Variants in CYRIA observed in about 807,000 individuals in gnomAD.
CYRIA encodes the protein CYFIP-related Rac1 interactor A.
A neutral mutation model predicts 43.9 loss-of-function variants in CYRIA; 15 were observed. The ratio of observed to expected loss-of-function variants is 0.34; its 90% CI spans 0.23 to 0.53. The LOEUF (loss-of-function observed/expected upper bound fraction) is 0.53. Among genes scored for constraint, CYRIA ranks in the 20% least tolerant of loss-of-function variants. The pLI is 0.94. For missense variants in CYRIA, 236 were observed against 394.2 expected, an observed-to-expected ratio of 0.60 and a Z score of 3.40; for synonymous variants, 117 against 136.0, an observed-to-expected ratio of 0.86 and a Z score of 0.97.
At chr2:16,616,170 C>T (rs376345398) in intron 2 of CYRIA, among the ~76,000 whole-genome samples, 14 of 152,196 alleles carry the variant, frequency 9.2e-5, no homozygotes, top group Non-Finnish European at 1.8e-4. Context: ...CTGTCCTTCA[C>T]GGTGGGAACC....
intron 5 of CYRIA, 28 bp downstream of exon 5, chr2:16,563,961 G>A (rs1558403426): frequency 6.6e-7 from 1 of 1,524,332 alleles, no homozygotes; most frequent in Non-Finnish European, 9.1e-7. Context: ...CCGTATGTGG[G>A]CCATGAAAAC....
intron 1 of CYRIA, among the ~76,000 whole-genome samples, chr2:16,629,668 T>C (rs1227130651): frequency 6.6e-6 from 1 of 152,166 alleles, no homozygotes. Context: ...TGGGCCCTCA[T>C]CCTGTGATAA....
At chr2:16,620,579 G>T (rs1025640667) in intron 2 of CYRIA, among the ~76,000 whole-genome samples, 13 of 152,260 alleles carry the variant, frequency 8.5e-5, no homozygotes, top group East Asian at 1.9e-4. Context: ...ATAAAATTAG[G>T]CTCTTTGCCT....
chr2:16,653,364 A>T (rs528489292), intron 1 of CYRIA, among the ~76,000 whole-genome samples: 1 of 152,242 alleles, frequency 6.6e-6, no homozygotes, highest in South Asian at 2.1e-4. Context: ...GTTTCCCCCA[A>T]TTATCCACAA....
chr2:16,662,796 T>C (rs1670293237), intron 1 of CYRIA, among the ~76,000 whole-genome samples: 1 of 152,222 alleles, frequency 6.6e-6, no homozygotes, highest in Admixed American at 6.5e-5. Flanking sequence ...TCAACCCTCA[T>C]GGGTGACCTA....
rs555152061 is a variant in CYRIA at position 16,618,190 on chromosome 2, C to T, written c.-11+5674G>A. On this transcript the variant is annotated intron_variant, in intron 2 of 11. Transcript: ENST00000381323. The stretch of plus-strand genomic sequence containing the variant: ...GCCCAGGCCAGGATGAGAGTGTGCT[C>T]GAAACTGCCTCAGTGCAGGAGCAGG... 7.2e-5 allele frequency among the ~76,000 whole-genome samples: 11 copies of T among 152,266 alleles called. No individual in the cohort carries two copies. The South Asian group carries it at 1.4e-3, about 20-fold the overall frequency.
intron 2 of CYRIA, among the ~76,000 whole-genome samples, chr2:16,622,095 G>C (rs1216907862): frequency 6.6e-6 from 1 of 152,236 alleles, no homozygotes; most frequent in Non-Finnish European, 1.5e-5. Flanking sequence ...ATGAGCATGT[G>C]CTTGGACCCT....
At chr2:16,575,578 G>A (rs911463388) in intron 3 of CYRIA, among the ~76,000 whole-genome samples, 28 of 152,066 alleles carry the variant, frequency 1.8e-4, no homozygotes, top group Admixed American at 1.0e-3. Flanking sequence ...GTTCCCGGCC[G>A]GGCGCGGTGG....
chr2:16,577,906 G>A (rs759176720), intron 3 of CYRIA, among the ~76,000 whole-genome samples: 17 of 152,230 alleles, frequency 1.1e-4, no homozygotes, highest in African/African-American at 2.7e-4. Flanking sequence ...GGGAGGGGAG[G>A]AGCATTGGGA....
chr2:16,608,020 A>G (rs183045997), intron 2 of CYRIA, among the ~76,000 whole-genome samples: 429 of 152,234 alleles, frequency 2.8e-3, no homozygotes, highest in Non-Finnish European at 5.0e-3. Context: ...GCTGTTGTGG[A>G]TTCTTGCAGG....
At chr2:16,561,427 G>A (rs371061505) in intron 7 of CYRIA, 29 bp downstream of exon 7, 48 of 1,602,452 alleles carry the variant, frequency 3.0e-5, no homozygotes, top group Non-Finnish European at 3.9e-5. Flanking sequence ...GGAGAAGGGT[G>A]CAAAGGTCAA....
chr2:16,663,930 A>G (rs1258341089), intron 1 of CYRIA, among the ~76,000 whole-genome samples: 1 of 152,092 alleles, frequency 6.6e-6, no homozygotes, highest in East Asian at 1.9e-4. Context: ...CAGCTTCATC[A>G]CTTTTCCATT....
chr2:16,637,606 C>T (rs1353905154), intron 1 of CYRIA, among the ~76,000 whole-genome samples: 1 of 152,186 alleles, frequency 6.6e-6, no homozygotes, highest in Admixed American at 6.5e-5. Flanking sequence ...GTATCCTGAA[C>T]TGACTAAGCC....
chr2:16,628,742 T>C (rs1298252363), intron 1 of CYRIA, among the ~76,000 whole-genome samples: 2 of 152,244 alleles, frequency 1.3e-5, no homozygotes, highest in Non-Finnish European at 2.9e-5. Flanking sequence ...GTTATTTTTA[T>C]GTCCAGTTGT....
At chr2:16,582,539 C>T (rs1056820825) in intron 3 of CYRIA, among the ~76,000 whole-genome samples, 3 of 152,288 alleles carry the variant, frequency 2.0e-5, no homozygotes, top group African/African-American at 7.2e-5. Flanking sequence ...TCCCCACCTC[C>T]GGGCCTAGAC....
chr2:16,641,302 C>T (rs1669669349), intron 1 of CYRIA, among the ~76,000 whole-genome samples: 2 of 152,178 alleles, frequency 1.3e-5, no homozygotes, highest in African/African-American at 2.4e-5. Context: ...TCATTCTCCG[C>T]TCTTCCTTCT....
intron 4 of CYRIA, 112 bp downstream of exon 4, chr2:16,565,524 TCTTCCTGGTA>T: frequency 8.3e-7 from 1 of 1,205,608 alleles, no homozygotes; most frequent in East Asian, 2.8e-5. Flanking sequence ...CCCTCCTTGT[TCTTCCTGGTA>T]CTCTAGGAAA....
intron 1 of CYRIA, among the ~76,000 whole-genome samples, chr2:16,630,314 A>G (rs1669290417): frequency 6.6e-6 from 1 of 152,070 alleles, no homozygotes; most frequent in South Asian, 2.1e-4. Flanking sequence ...TGACCACTGT[A>G]CTCTACAGCA....
chr2:16,562,220 T>C (rs972705381), intron 5 of CYRIA, 79 bp from the exon 6 acceptor site: 33 of 1,476,198 alleles, frequency 2.2e-5, no homozygotes, highest in South Asian at 2.6e-5. Context: ...CCAGCCTCAG[T>C]TGACAATCTC....
Sources: gnomAD v4.1 joint callset for allele counts (sites outside exome capture counted in the v4.1 genomes callset) on GRCh38, gnomAD v4.1.1 for gene constraint, MANE v1.5 for transcripts, NCBI Gene and HGNC (gene_info 2026-07-23, HGNC 2026-07-21) for gene names.